MID2: variants seen among roughly 807,000 people sequenced by gnomAD.
The protein encoded by MID2 is probable E3 ubiquitin-protein ligase MID2.
MID2 carries 13 observed loss-of-function variants against 46.1 expected under a neutral mutation model. That is an observed-to-expected ratio of 0.28 (90% CI 0.18 to 0.45). MID2 has a LOEUF of 0.45. Ranked by LOEUF, MID2 falls within the 20% of genes least tolerant of loss-of-function variation. The pLI, the probability that MID2 is intolerant of heterozygous loss-of-function variation, is 1.00. For synonymous variants in MID2, 199 were observed against 212.3 expected (o/e 0.94, Z 0.55); for missense variants, 431 against 575.4 (o/e 0.75, Z 2.57).
chrX:107,840,576 A>C, intron 1 of MID2, 94 bp from the exon 2 acceptor site: 1 of 695,291 alleles, frequency 1.4e-6, no homozygotes, highest in Non-Finnish European at 2.2e-6. Context: ...TGGGGAATCC[A>C]GCACGTAAAC....
At position 107,840,812 on chromosome X, in the gene MID2, C is replaced by G. The variant is rs1321208486; in HGVS notation, c.147C>G (p.Leu49=). The G allele has an allele frequency of 8.3e-7, 1 of 1,209,730 alleles. No homozygotes were observed. Among genetic ancestry groups the G allele is most frequent in the African/African-American group, 1.8e-5 (1 of 57,081 alleles). The change falls in exon 2 of 10, where the codon CTC becomes CTG. Residue 49 remains leucine (L), a synonymous_variant. Transcript: ENST00000262843. ...DPLLLPCAHS[L]CFSCAHRILV... ...TTCTGCTCCCTTGTGCTCACAGCCTCTGCTTCAGCTGTGCCCATCGCATTT... is the reference window on the plus strand; with the variant it reads ...TTCTGCTCCCTTGTGCTCACAGCCTGTGCTTCAGCTGTGCCCATCGCATTT...
Position 107,927,083 on chromosome X carries a change from G to A in MID2, c.*10G>A. On this transcript the variant is annotated 3_prime_UTR_variant, in exon 10 of 10. Coordinates refer to ENST00000262843, the MANE Select transcript of MID2 (RefSeq NM_012216.4). ...GAAAACCTGTCATTAAGTTTCAGGA[G>A]AGTATATAATTCACTGGCTCTCTAG... 3 of 1,188,352 alleles carry A rather than the reference G, an allele frequency of 2.5e-6. No individual in the cohort carries two copies. Among genetic ancestry groups the A allele is most frequent in the Non-Finnish European group, 3.4e-6 (3 of 881,882 alleles).
chrX:107,834,688 C>T (rs1931167701), intron 1 of MID2, among the ~76,000 whole-genome samples: 2 of 111,231 alleles, frequency 1.8e-5, no homozygotes, highest in African/African-American at 6.5e-5. Context: ...CTAGAGATAT[C>T]CCAGGGTATT....
intron 3 of MID2, among the ~76,000 whole-genome samples, chrX:107,862,644 A>G (rs1931884785): frequency 8.9e-6 from 1 of 112,683 alleles, no homozygotes; most frequent in South Asian, 3.7e-4. Context: ...TTTGCCCATT[A>G]TCCTGCCCAA....
chrX:107,874,294 G>A (rs915522122), intron 3 of MID2, among the ~76,000 whole-genome samples: 1 of 112,344 alleles, frequency 8.9e-6, no homozygotes, highest in Non-Finnish European at 1.9e-5. Flanking sequence ...CTTGATACAC[G>A]AGGAGGCAGT....
chrX:107,855,644 T>C (rs1030814826), intron 3 of MID2, among the ~76,000 whole-genome samples: 4 of 112,496 alleles, frequency 3.6e-5, no homozygotes, highest in African/African-American at 1.3e-4. Context: ...ATCTCATCTC[T>C]TAATCCAATC....
rs909150528 is a variant in MID2, at chrX:107,916,253, A to G, written c.1201+124A>G. 2.6e-5 allele frequency: 14 copies of G among 531,379 alleles called. 1 individual carries two copies. Among genetic ancestry groups the G allele is most frequent in the Non-Finnish European group, 3.5e-5 (13 of 374,127 alleles). 43.8% of individuals were successfully genotyped at this position (531,379 alleles called of 1,213,427 possible). A position where few individuals can be genotyped will look rare whatever the true frequency, so the allele number is the denominator to read the frequency against. ...TATTTTATAATCTTTAAAATGATGC[A>G]TGTGTCTTTTCAGACAGAATATATT... On this transcript the variant is annotated intron_variant, in intron 6 of 9. Transcript: ENST00000262843.
At chrX:107,850,694 T>C (rs182958894) in intron 2 of MID2, among the ~76,000 whole-genome samples, 3 of 112,308 alleles carry the variant, frequency 2.7e-5, no homozygotes, top group African/African-American at 9.7e-5. Context: ...ACTAACCATT[T>C]GCCATAATTT....
rs182151272 is a variant in MID2, at chrX:107,929,841, A to T, written c.*2768A>T. On this transcript the variant is annotated 3_prime_UTR_variant, in exon 10 of 10. Transcript: ENST00000262843. ...TTAGAGATCCAAAGACACCCCAAGC[A>T]TCCCCCTCTCTCAGCAATAATCACA... is the stretch of plus-strand genomic sequence containing the variant. 1.4e-3 allele frequency among the ~76,000 whole-genome samples: 155 copies of T among 111,549 alleles called. No homozygotes were observed. The highest frequency in any genetic ancestry group is 3.5e-3 in the Admixed American group (37 of 10,513).
At chrX:107,911,411 T>C (rs1932895860) in intron 5 of MID2, among the ~76,000 whole-genome samples, 1 of 112,095 alleles carries the variant, frequency 8.9e-6, no homozygotes, top group Non-Finnish European at 1.9e-5. Context: ...CCTTAATTTT[T>C]CATTAAATCC....
At chrX:107,896,035 A>T (rs1932725316) in intron 3 of MID2, 1 of 112,463 alleles carries the variant, frequency 8.9e-6, no homozygotes, top group Non-Finnish European at 1.9e-5. Flanking sequence ...CATAGGTTAT[A>T]TCTCCCACCT....
chrX:107,877,142 C>T (rs774940738), intron 3 of MID2, among the ~76,000 whole-genome samples: 61 of 112,122 alleles, frequency 5.4e-4, no homozygotes, highest in Non-Finnish European at 8.8e-4. Flanking sequence ...ACACTATCAG[C>T]AAAGGTCTGG....
chrX:107,849,811 G>A (rs1602464092), intron 2 of MID2, among the ~76,000 whole-genome samples: 1 of 112,185 alleles, frequency 8.9e-6, no homozygotes, highest in Non-Finnish European at 1.9e-5. Context: ...AGGTGAAGAA[G>A]GTATCACAGT....
At chrX:107,834,217 G>C (rs1193990206) in intron 1 of MID2, among the ~76,000 whole-genome samples, 1 of 111,858 alleles carries the variant, frequency 8.9e-6, no homozygotes, top group East Asian at 2.8e-4. Flanking sequence ...GTCTCACCCT[G>C]TAGTAAGGCA....
chrX:107,876,181 A>G (rs1932197049), intron 3 of MID2, among the ~76,000 whole-genome samples: 1 of 110,198 alleles, frequency 9.1e-6, no homozygotes, highest in Admixed American at 9.8e-5. Flanking sequence ...CATGGTGGCC[A>G]TTAAACCCTC....
chrX:107,844,083 T>C (rs995307549), intron 2 of MID2, among the ~76,000 whole-genome samples: 7 of 111,906 alleles, frequency 6.3e-5, no homozygotes, highest in Non-Finnish European at 1.3e-4. Flanking sequence ...TTGACATTTG[T>C]AACTACTTTT....
intron 3 of MID2, among the ~76,000 whole-genome samples, chrX:107,883,603 T>C (rs1932379920): frequency 8.9e-6 from 1 of 112,606 alleles, no homozygotes; most frequent in South Asian, 3.6e-4. Context: ...TCACACAATC[T>C]ATGGCATAGC....
At chrX:107,869,868 GC>G (rs1271887193) in intron 3 of MID2, among the ~76,000 whole-genome samples, 5 of 109,410 alleles carry the variant, frequency 4.6e-5, no homozygotes, top group Non-Finnish European at 9.5e-5. Flanking sequence ...TTTATCTGAG[GC>G]ACTTATATCT....
At chrX:107,839,648 G>A (rs1184552192) in intron 1 of MID2, among the ~76,000 whole-genome samples, 1 of 112,078 alleles carries the variant, frequency 8.9e-6, no homozygotes, top group African/African-American at 3.2e-5. Flanking sequence ...GGGATTACAG[G>A]CGTGAGCCAC....
Sources: gnomAD v4.1 joint callset for allele counts (sites outside exome capture counted in the v4.1 genomes callset) on GRCh38, gnomAD v4.1.1 for gene constraint, MANE v1.5 for transcripts, NCBI Gene and HGNC (gene_info 2026-07-23, HGNC 2026-07-21) for gene names.